Variants in FRMPD1 observed in about 807,000 individuals in gnomAD.
FRMPD1 encodes the protein FERM and PDZ domain-containing protein 1.
A neutral mutation model predicts 117.8 loss-of-function variants in FRMPD1; 76 were observed. That is an observed-to-expected ratio of 0.65 (90% CI 0.54 to 0.78). The LOEUF is 0.78. Ranked by LOEUF, FRMPD1 falls within the 30% of genes least tolerant of loss-of-function variation. The pLI is 0.00. For synonymous variants in FRMPD1, 783 were observed against 770.4 expected (o/e 1.02, Z -0.27); for missense variants, 1,786 against 1,964.5 (o/e 0.91, Z 1.72).
At position 37,745,706 on chromosome 9, in the gene FRMPD1, G is replaced by A. The variant is rs1824674004; in HGVS notation, c.3674G>A (p.Gly1225Glu). 3 of 1,614,138 alleles carry A rather than the reference G, an allele frequency of 1.9e-6. No individual in the cohort carries two copies. The highest frequency in any genetic ancestry group is 1.7e-5 in the Admixed American group (1 of 60,014). The part of the protein sequence containing the change: ...QTVSPAVPPE[G>E]IKAEAPNHVT... ...GTTTCACCAGCCGTCCCTCCAGAGG[G>A]GATCAAGGCAGAGGCACCTAACCAT... The change falls in exon 16 of 16, where the codon GGG becomes GAG. Residue 1225 changes from glycine (G) to glutamate (E), a missense_variant. By Grantham distance (98) the Gly-to-Glu change is moderately conservative. Transcript: ENST00000377765.
At position 37,732,327 on chromosome 9, in the gene FRMPD1, G is replaced by A; in HGVS notation, c.882G>A (p.Glu294=). Reference sequence around the variant, plus strand: ...AGAGCTGCAGCGATGTGCTCCAGGAGCGCTTTGCTGTAGAAATGAAATGTA... The same window carrying A: ...AGAGCTGCAGCGATGTGCTCCAGGAACGCTTTGCTGTAGAAATGAAATGTA... The part of the protein sequence containing the change: ...YLQSCSDVLQ[E]RFAVEMKCSS... The change falls in exon 10 of 16, where the codon GAG becomes GAA. Residue 294 remains glutamate, a synonymous_variant. Coordinates refer to ENST00000377765, the MANE Select transcript of FRMPD1 (RefSeq NM_014907.3). 4 of 1,613,798 alleles carry A rather than the reference G, an allele frequency of 2.5e-6. No individual in the cohort carries two copies. Among genetic ancestry groups the A allele is most frequent in the Non-Finnish European group, 3.4e-6 (4 of 1,180,018 alleles).
chr9:37,687,491 G>A (rs1821991016), intron 1 of FRMPD1, among the ~76,000 whole-genome samples: 1 of 152,132 alleles, frequency 6.6e-6, no homozygotes, highest in Non-Finnish European at 1.5e-5. Context: ...ATTTCCAACG[G>A]ACTCGATCCT....
At chr9:37,687,510 C>T (rs1821991775) in intron 1 of FRMPD1, among the ~76,000 whole-genome samples, 1 of 152,170 alleles carries the variant, frequency 6.6e-6, no homozygotes, top group East Asian at 1.9e-4. Flanking sequence ...CTAGAGGGGG[C>T]CCAACTGGGG....
intron 5 of FRMPD1, among the ~76,000 whole-genome samples, chr9:37,718,586 G>A (rs1183251395): frequency 6.6e-6 from 1 of 152,206 alleles, no homozygotes; most frequent in Non-Finnish European, 1.5e-5. Context: ...AGTCATAAGG[G>A]TCAGAGTTTC....
intron 12 of FRMPD1, 75 bp from the exon 13 acceptor site, chr9:37,735,477 G>A: frequency 9.2e-7 from 1 of 1,086,654 alleles, no homozygotes; most frequent in Non-Finnish European, 1.4e-6. Flanking sequence ...GCAGCGAGAG[G>A]TATTATTGCT....
At chr9:37,739,951 C>A in intron 14 of FRMPD1, 127 bp from the exon 15 acceptor site, 1 of 716,672 alleles carries the variant, frequency 1.4e-6, no homozygotes, top group Non-Finnish European at 2.4e-6. Flanking sequence ...ATAGGACGGT[C>A]TTAGGCCAGC....
chr9:37,699,899 G>GCA, intron 2 of FRMPD1, among the ~76,000 whole-genome samples: 1 of 149,116 alleles, frequency 6.7e-6, no homozygotes, highest in South Asian at 2.1e-4. Context: ...ATGTATGCAT[G>GCA]CACGCACACA....
In FRMPD1 at chr9:37,718,175, G is replaced by A. The variant is rs545816752; in HGVS notation, c.409-894G>A. On this transcript the variant is annotated intron_variant, in intron 5 of 15. Transcript: ENST00000377765. ...TTCACTTCATGTACTTCATGGCTTC[G>A]GTCTGTTGGTGTTTGAGTCTATGAA... 2.6e-5 allele frequency among the ~76,000 whole-genome samples: 4 copies of A among 152,098 alleles called. No individual in the cohort carries two copies. The South Asian group carries it at 6.2e-4, about 24-fold the overall frequency.
chr9:37,674,397 G>A (rs187421104), intron 1 of FRMPD1, among the ~76,000 whole-genome samples: 4 of 152,280 alleles, frequency 2.6e-5, no homozygotes, highest in Non-Finnish European at 2.9e-5. Flanking sequence ...TTCAGTCAAA[G>A]CCATTCAACA....
the FRMPD1 span, among the ~76,000 whole-genome samples, chr9:37,614,739 G>A: frequency 1.3e-5 from 2 of 152,208 alleles, no homozygotes. Flanking sequence ...AAATGTTCAA[G>A]GCCTATGACT....
the FRMPD1 span, among the ~76,000 whole-genome samples, chr9:37,639,555 G>A: frequency 6.6e-6 from 1 of 152,148 alleles, no homozygotes; most frequent in Non-Finnish European, 1.5e-5. Flanking sequence ...AGAGCTTTTT[G>A]AAGGTCAGGA....
the FRMPD1 span, among the ~76,000 whole-genome samples, chr9:37,622,289 C>T: frequency 6.6e-6 from 1 of 152,146 alleles, no homozygotes; most frequent in African/African-American, 2.4e-5. Context: ...CAAATGTAAG[C>T]CAGCATTGTT....
intron 1 of FRMPD1, among the ~76,000 whole-genome samples, chr9:37,686,870 T>C (rs1256324216): frequency 6.6e-6 from 1 of 152,202 alleles, no homozygotes; most frequent in Non-Finnish European, 1.5e-5. Flanking sequence ...AGGTCAGACA[T>C]TGTGCCTCTT....
chr9:37,610,064 TC>T, the FRMPD1 span, among the ~76,000 whole-genome samples: 28 of 152,244 alleles, frequency 1.8e-4, no homozygotes, highest in African/African-American at 6.0e-4. Flanking sequence ...TTTAGTTTCT[TC>T]CCAGCACTTG....
In FRMPD1 at chr9:37,745,529, C is replaced by T. The variant is rs1824660422; in HGVS notation, c.3497C>T (p.Pro1166Leu). The T allele has an allele frequency of 1.2e-6, 2 of 1,613,992 alleles. No homozygotes were observed. The highest frequency in any genetic ancestry group is 1.7e-6 in the Non-Finnish European group (2 of 1,180,008). The part of the protein sequence containing the change: ...KIVTSLSLDA[P>L]VTGTEQIPPH... ...GTAACCTCCCTTTCTTTAGATGCTCCTGTAACAGGGACCGAGCAGATCCCA... is the reference window on the plus strand; with the variant it reads ...GTAACCTCCCTTTCTTTAGATGCTCTTGTAACAGGGACCGAGCAGATCCCA... Residue 1166 changes from proline (P) to leucine (L), a missense_variant, in exon 16 of 16, where the codon CCT (proline) becomes CTT (leucine). Transcript: ENST00000377765.
intron 5 of FRMPD1, among the ~76,000 whole-genome samples, chr9:37,716,475 A>G (rs1823125323): frequency 6.6e-6 from 1 of 152,000 alleles, no homozygotes; most frequent in Non-Finnish European, 1.5e-5. Flanking sequence ...CTGTCAGGGA[A>G]CCTCCTCTTC....
At chr9:37,632,111 C>T in the FRMPD1 span, among the ~76,000 whole-genome samples, 2 of 152,116 alleles carry the variant, frequency 1.3e-5, no homozygotes, top group African/African-American at 2.4e-5. Flanking sequence ...TTTAACACAT[C>T]TATTTAAACC....
chr9:37,702,340 G>T (rs1822563280), intron 2 of FRMPD1, among the ~76,000 whole-genome samples: 1 of 152,188 alleles, frequency 6.6e-6, no homozygotes, highest in South Asian at 2.1e-4. Context: ...GAAATACAGA[G>T]GTGGACAAAA....
intron 1 of FRMPD1, among the ~76,000 whole-genome samples, chr9:37,653,619 A>C (rs1040632166): frequency 2.6e-5 from 4 of 152,104 alleles, no homozygotes; most frequent in South Asian, 2.1e-4. Context: ...ATCACTATGT[A>C]CTCAAGGACC....
Sources: gnomAD v4.1 joint callset for allele counts (sites outside exome capture counted in the v4.1 genomes callset) on GRCh38, gnomAD v4.1.1 for gene constraint, MANE v1.5 for transcripts, NCBI Gene and HGNC (gene_info 2026-07-23, HGNC 2026-07-21) for gene names.